The following DTWD2 variants were observed in gnomAD, a reference collection of about 807,000 sequenced individuals.
DTWD2 encodes tRNA-uridine aminocarboxypropyltransferase 2.
A neutral mutation model predicts 31.8 loss-of-function variants in DTWD2; 39 were observed. That is an observed-to-expected ratio of 1.22 (90% CI 0.95 to 1.60). The LOEUF (loss-of-function observed/expected upper bound fraction) is 1.60, where lower values mean the gene tolerates loss of function less well. Among genes scored for constraint, DTWD2 ranks in the 40% most tolerant of loss-of-function variants. The pLI is 0.00. For synonymous variants in DTWD2, 180 were observed against 142.8 expected (o/e 1.26, Z -1.86); for missense variants, 515 against 381.5 (o/e 1.35, Z -2.92).
At chr5:118,948,369 T>A (rs543810389) in intron 1 of DTWD2, among the ~76,000 whole-genome samples, 1 of 151,492 alleles carries the variant, frequency 6.6e-6, no homozygotes, top group Non-Finnish European at 1.5e-5. Flanking sequence ...TAGTCCCAGC[T>A]ACTTGGGAGG....
chr5:118,877,837 A>C (rs1752656148), intron 4 of DTWD2, among the ~76,000 whole-genome samples: 1 of 152,196 alleles, frequency 6.6e-6, no homozygotes, highest in African/African-American at 2.4e-5. Context: ...TAAACAACTT[A>C]AGCAAAGTTT....
intron 1 of DTWD2, among the ~76,000 whole-genome samples, chr5:118,961,009 C>T (rs1306237367): frequency 2.0e-5 from 3 of 151,884 alleles, no homozygotes; most frequent in Non-Finnish European, 2.9e-5. Context: ...ATAATATGTA[C>T]ATAAAACCCC....
chr5:118,960,817 G>A (rs544497228), intron 1 of DTWD2, among the ~76,000 whole-genome samples: 73 of 152,126 alleles, frequency 4.8e-4, no homozygotes, highest in African/African-American at 1.6e-3. Flanking sequence ...GTGAACTAAC[G>A]CAAGAACAGA....
At chr5:118,912,554 G>T (rs1753480150) in intron 4 of DTWD2, among the ~76,000 whole-genome samples, 1 of 152,054 alleles carries the variant, frequency 6.6e-6, no homozygotes, top group Non-Finnish European at 1.5e-5. Context: ...CAGGTCCTTT[G>T]CCCATATTGT....
chr5:118,891,377 C>G (rs568292844), intron 4 of DTWD2, among the ~76,000 whole-genome samples: 68 of 152,240 alleles, frequency 4.5e-4, no homozygotes, highest in African/African-American at 1.6e-3. Flanking sequence ...GCCAAGCACG[C>G]CTGCTATGCA....
rs368970326 is a variant in DTWD2 at position 118,899,362 on chromosome 5, G to A, written c.597+29175C>T. ...TAAACAGAAACACATGTAAAACAAG[G>A]CCATGTTGTACTGCTTGGTTAACTA... On this transcript the variant is annotated intron_variant, in intron 4 of 5. Transcript: ENST00000510708. Among the ~76,000 whole-genome samples, 44 of 152,256 alleles carry A rather than the reference G, an allele frequency of 2.9e-4. 1 individual carries two copies. The highest frequency in any genetic ancestry group is 1.0e-3 in the African/African-American group (43 of 41,534).
Position 118,840,972 on chromosome 5 carries a change from T to G in DTWD2, c.842A>C (p.Lys281Thr), listed in dbSNP as rs771723034. The G allele has an allele frequency of 1.9e-6, 3 of 1,613,740 alleles. No individual in the cohort carries two copies. Among genetic ancestry groups the G allele is most frequent in the African/African-American group, 2.7e-5 (2 of 74,924 alleles). Residue 281 changes from lysine (K) to threonine (T), a missense_variant, in exon 6 of 6, where the codon AAG (lysine) becomes ACG (threonine). Coordinates refer to ENST00000510708, the MANE Select transcript of DTWD2 (RefSeq NM_173666.4). ...KNGLYPKPMP[K>T]NKRKLRKMEL... ...CATTTTCCTGAGTTTGCGTTTGTTC[T>G]TTGGCATTGGTTTAGGATATAATCC...
At chr5:118,971,677 A>G (rs115075355) in intron 1 of DTWD2, among the ~76,000 whole-genome samples, 16 of 152,332 alleles carry the variant, frequency 1.1e-4, no homozygotes, top group Admixed American at 3.9e-4. Context: ...AACAGAATAT[A>G]TATTTTTCTC....
intron 5 of DTWD2, among the ~76,000 whole-genome samples, chr5:118,844,048 T>C (rs1751789519): frequency 6.6e-6 from 1 of 152,228 alleles, no homozygotes; most frequent in African/African-American, 2.4e-5. Flanking sequence ...CTCCATCAGG[T>C]TGGGTGCCTG....
At chr5:118,973,675 C>A (rs391992) in intron 1 of DTWD2, 6 of 1,097,344 alleles carry the variant, frequency 5.5e-6, no homozygotes, top group Non-Finnish European at 7.8e-6. Flanking sequence ...CCTTGCTCGC[C>A]GCAGCCGCCT....
intron 5 of DTWD2, among the ~76,000 whole-genome samples, chr5:118,845,683 T>C (rs1238826274): frequency 6.6e-6 from 1 of 152,194 alleles, no homozygotes; most frequent in Non-Finnish European, 1.5e-5. Context: ...GACCTCACTA[T>C]TACTTTGGGA....
Position 118,973,646 on chromosome 5 carries a change from TCCTTGCTCGCGGCAGC to T in DTWD2, c.218+14632_218+14647del. ...GGCAGCCTCCTTGCTCGCGGCAGCC[TCCTTGCTCGCGGCAGC>T]CTCCTTGCTCGCCGCAGCCGCCTCC... is the stretch of plus-strand genomic sequence containing the variant. On this transcript the variant is annotated intron_variant, in intron 1 of 5. Coordinates refer to ENST00000510708, the MANE Select transcript of DTWD2 (RefSeq NM_173666.4). 6.5e-6 allele frequency: 5 copies of T among 769,924 alleles called. No homozygotes were observed. The East Asian group carries it at 1.4e-4, about 21-fold the overall frequency. 47.7% of individuals were successfully genotyped at this position (769,924 alleles called of 1,614,324 possible). A position where few individuals can be genotyped will look rare whatever the true frequency, so the allele number is the denominator to read the frequency against.
intron 2 of DTWD2, among the ~76,000 whole-genome samples, chr5:118,944,176 T>C (rs1754274292): frequency 6.6e-6 from 1 of 152,204 alleles, no homozygotes; most frequent in Non-Finnish European, 1.5e-5. Flanking sequence ...AAGAGTAAAA[T>C]GCCAAAGTTA....
At chr5:118,961,833 TA>T (rs1206050816) in intron 1 of DTWD2, among the ~76,000 whole-genome samples, 1 of 152,218 alleles carries the variant, frequency 6.6e-6, no homozygotes, top group Non-Finnish European at 1.5e-5. Flanking sequence ...CAAAGACAGT[TA>T]AAAATTTTCT....
chr5:118,847,222 A>G (rs929682701), intron 5 of DTWD2, among the ~76,000 whole-genome samples: 3 of 152,030 alleles, frequency 2.0e-5, no homozygotes, highest in Admixed American at 1.3e-4. Context: ...TGTAACCATA[A>G]TGGATAATGA....
chr5:118,957,587 ATC>A (rs1233655187), intron 1 of DTWD2, among the ~76,000 whole-genome samples: 2 of 152,096 alleles, frequency 1.3e-5, no homozygotes, highest in Admixed American at 6.6e-5. Context: ...TATAATATAT[ATC>A]TGTTTTAAAT....
At chr5:118,893,419 G>T (rs1455947821) in intron 4 of DTWD2, among the ~76,000 whole-genome samples, 1 of 150,266 alleles carries the variant, frequency 6.7e-6, no homozygotes, top group Non-Finnish European at 1.5e-5. Context: ...GTGTGTGTGT[G>T]TATCTGCTAG....
At chr5:118,889,921 C>T (rs6874399) in intron 4 of DTWD2, among the ~76,000 whole-genome samples, 34,151 of 152,024 alleles carry the variant, frequency 0.22, 6,267 homozygotes, top group African/African-American at 0.51. Flanking sequence ...CTGTTACAAT[C>T]TGGTAATAAT....
At chr5:118,985,496 ATATATATATAT>A (rs1755405084) in intron 1 of DTWD2, among the ~76,000 whole-genome samples, 1 of 106,502 alleles carries the variant, frequency 9.4e-6, no homozygotes, top group African/African-American at 4.2e-5. Context: ...ATTTTTATAT[ATATATATATAT>A]ATATATATAT....
Sources: allele counts gnomAD v4.1 joint callset (sites outside exome capture counted in the v4.1 genomes callset), GRCh38; gene constraint gnomAD v4.1.1; transcripts MANE v1.5; gene names NCBI Gene and HGNC (gene_info 2026-07-23, HGNC 2026-07-21).